Variants in LRP1B observed in about 807,000 individuals in gnomAD.
LRP1B encodes the protein low-density lipoprotein receptor-related protein 1B.
In LRP1B, 217 loss-of-function variants were observed where a neutral mutation model predicts 556.6. The observed-to-expected ratio is 0.39, with a 90% CI of 0.35 to 0.44. LRP1B has a LOEUF of 0.44. Among genes scored for constraint, LRP1B ranks in the 20% least tolerant of loss-of-function variants. The probability of loss-of-function intolerance (pLI) is 1.00; values close to 1 mark genes in which losing one functional copy is unlikely to be tolerated. For missense variants in LRP1B, 5,053 were observed against 5,620.8 expected (o/e 0.90, Z 3.23); for synonymous variants, 2,047 against 1,865.8 (o/e 1.10, Z -2.50).
At chr2:141,423,168 A>G (rs1680204073) in intron 3 of LRP1B, among the ~76,000 whole-genome samples, 1 of 152,074 alleles carries the variant, frequency 6.6e-6, no homozygotes, top group African/African-American at 2.4e-5. Context: ...CTCCTGGCAG[A>G]CAATTGTCTC....
chr2:140,864,897 A>C (rs1490975188), intron 27 of LRP1B, among the ~76,000 whole-genome samples: 1 of 152,068 alleles, frequency 6.6e-6, no homozygotes, highest in Non-Finnish European at 1.5e-5. Context: ...TAACACATTA[A>C]TAGCTGAGAC....
At chr2:141,186,858 T>C (rs1199419492) in intron 7 of LRP1B, among the ~76,000 whole-genome samples, 2 of 152,034 alleles carry the variant, frequency 1.3e-5, no homozygotes, top group African/African-American at 4.8e-5. Context: ...ATTGGCAGTT[T>C]TATTTGAAAA....
chr2:140,562,593 T>C (rs535743658), intron 43 of LRP1B, among the ~76,000 whole-genome samples: 1 of 152,182 alleles, frequency 6.6e-6, no homozygotes, highest in South Asian at 2.1e-4. Flanking sequence ...TTTTTTTCTT[T>C]TTTAAATTTC....
chr2:140,996,810 G>A (rs1271623920), intron 15 of LRP1B, among the ~76,000 whole-genome samples: 4 of 151,864 alleles, frequency 2.6e-5, no homozygotes, highest in Non-Finnish European at 5.9e-5. Flanking sequence ...TAAAGACAAA[G>A]GGATATGTAG....
rs183550351 is a variant in LRP1B, at chr2:140,886,861, A to C, written c.3767-526T>G. ...AAGATGGCGGCTTCCTGCAGAGTCC[A>C]AAAAAATCATAACTATATCATTCCT... On this transcript the variant is annotated intron_variant, in intron 23 of 90. Coordinates refer to ENST00000389484, the MANE Select transcript of LRP1B (RefSeq NM_018557.3). 6.6e-3 allele frequency among the ~76,000 whole-genome samples: 1,007 copies of C among 152,220 alleles called. 8 individuals are homozygous for C. The highest frequency in any genetic ancestry group is 0.023 in the African/African-American group (976 of 41,552).
At chr2:141,247,939 G>A (rs958508750) in intron 4 of LRP1B, among the ~76,000 whole-genome samples, 4 of 152,172 alleles carry the variant, frequency 2.6e-5, no homozygotes, top group African/African-American at 4.8e-5. Flanking sequence ...TGGGCACTGC[G>A]GCTCATGCCT....
chr2:140,647,499 G>A (rs961107175), intron 41 of LRP1B, among the ~76,000 whole-genome samples: 2 of 152,058 alleles, frequency 1.3e-5, no homozygotes, highest in Non-Finnish European at 2.9e-5. Context: ...AGTGAAGACG[G>A]TGTTATTAAC....
At chr2:140,866,232 G>A (rs1204840603) in intron 27 of LRP1B, among the ~76,000 whole-genome samples, 1 of 152,190 alleles carries the variant, frequency 6.6e-6, no homozygotes, top group Middle Eastern at 3.4e-3. Context: ...ATAAGTGCTT[G>A]TCATCTACAG....
chr2:141,685,417 A>G (rs1691260271), intron 2 of LRP1B, among the ~76,000 whole-genome samples: 1 of 152,046 alleles, frequency 6.6e-6, no homozygotes, highest in Admixed American at 6.6e-5. Context: ...GTTTTAATAT[A>G]TTTTGCATGT....
At chr2:140,388,019 C>A (rs1683839104) in intron 66 of LRP1B, among the ~76,000 whole-genome samples, 1 of 151,682 alleles carries the variant, frequency 6.6e-6, no homozygotes, top group Admixed American at 6.6e-5. Context: ...TCACTGCAAC[C>A]TCTGCTTCCT....
At chr2:141,159,363 C>G (rs142007514) in intron 7 of LRP1B, among the ~76,000 whole-genome samples, 130 of 152,130 alleles carry the variant, frequency 8.5e-4, no homozygotes, top group African/African-American at 3.0e-3. Context: ...CAATTTAAAT[C>G]AGGAAAGTCA....
At chr2:140,971,347 G>A (rs539110532) in intron 18 of LRP1B, among the ~76,000 whole-genome samples, 1 of 152,156 alleles carries the variant, frequency 6.6e-6, no homozygotes, top group South Asian at 2.1e-4. Flanking sequence ...AAGCAAGCAA[G>A]GACTTTTTCC....
At chr2:141,220,622 GAA>G (rs553644230) in intron 6 of LRP1B, among the ~76,000 whole-genome samples, 10 of 118,156 alleles carry the variant, frequency 8.5e-5, no homozygotes, top group Non-Finnish European at 1.1e-4. Context: ...TCCAAGGTTG[GAA>G]AAAAAAAAAA....
At chr2:141,188,336 T>C in intron 7 of LRP1B, 85 bp downstream of exon 7, 2 of 1,349,336 alleles carry the variant, frequency 1.5e-6, no homozygotes, top group South Asian at 1.3e-5. Context: ...GTAGTCTTAT[T>C]TTCCACAACA....
At chr2:140,937,577 C>T (rs1695267048) in intron 20 of LRP1B, among the ~76,000 whole-genome samples, 1 of 152,002 alleles carries the variant, frequency 6.6e-6, no homozygotes, top group African/African-American at 2.4e-5. Context: ...GAAATGTGCA[C>T]TTAAAATCTT....
chr2:140,867,737 A>C lies in LRP1B; in HGVS notation c.4432T>G (p.Tyr1478Asp). ...YLSHPFAVSL[Y>D]GSEVYWTDWR... ...TCTGTCCAGTAGACTTCACTCCCAT[A>C]TAGAGACACAGCAAAGGGATGGGAA... Residue 1478 changes from tyrosine to aspartate, a missense_variant, in exon 27 of 91, where the codon TAT becomes GAT. By Grantham distance (160) the Tyr-to-Asp change is radical (BLOSUM62 -3). Coordinates refer to ENST00000389484, the MANE Select transcript of LRP1B (RefSeq NM_018557.3). 6.2e-7 allele frequency: 1 copy of C among 1,612,600 alleles called. No individual in the cohort carries two copies. The highest frequency in any genetic ancestry group is 8.5e-7 in the Non-Finnish European group (1 of 1,179,256).
intron 53 of LRP1B, among the ~76,000 whole-genome samples, chr2:140,504,267 C>T (rs1301874875): frequency 1.3e-5 from 2 of 152,106 alleles, no homozygotes; most frequent in East Asian, 1.9e-4. Context: ...ATTTACTTCA[C>T]CTTTTAGCAA....
intron 72 of LRP1B, 42 bp from the exon 73 acceptor site, chr2:140,358,988 C>T (rs756612681): frequency 6.3e-7 from 1 of 1,582,530 alleles, no homozygotes; most frequent in Non-Finnish European, 8.6e-7. Context: ...CCTTCGAGTA[C>T]ATTGCTTTAT....
intron 41 of LRP1B, among the ~76,000 whole-genome samples, chr2:140,614,476 T>C (rs1417856340): frequency 6.6e-6 from 1 of 152,166 alleles, no homozygotes; most frequent in Non-Finnish European, 1.5e-5. Flanking sequence ...GAGTTGAAGA[T>C]ATTTCCTAAA....
Sources: allele counts gnomAD v4.1 joint callset (sites outside exome capture counted in the v4.1 genomes callset), GRCh38; gene constraint gnomAD v4.1.1; transcripts MANE v1.5; gene names NCBI Gene and HGNC (gene_info 2026-07-23, HGNC 2026-07-21).